Variants in CADPS2 observed in about 807,000 individuals in gnomAD.
CADPS2 encodes the protein calcium-dependent secretion activator 2.
In CADPS2, 93 loss-of-function variants were observed where a neutral mutation model predicts 172.5. That is an observed-to-expected ratio of 0.54 (90% confidence interval 0.46 to 0.64). The LOEUF (loss-of-function observed/expected upper bound fraction) is 0.64. Ranked by LOEUF, CADPS2 falls within the 30% of genes least tolerant of loss-of-function variation. The pLI, the probability that CADPS2 is intolerant of heterozygous loss-of-function variation, is 0.00. For synonymous variants in CADPS2, 546 were observed against 555.2 expected (o/e 0.98, Z 0.23); for missense variants, 1,420 against 1,565.9 (o/e 0.91, Z 1.57).
chr7:122,684,512 G>A (rs1017351012), intron 2 of CADPS2, among the ~76,000 whole-genome samples: 4 of 150,422 alleles, frequency 2.7e-5, no homozygotes, highest in South Asian at 4.2e-4. Flanking sequence ...GTTCTTTCAC[G>A]TATCAACCCA....
intron 27 of CADPS2, among the ~76,000 whole-genome samples, chr7:122,356,382 A>C (rs2039408014): frequency 1.3e-5 from 2 of 152,204 alleles, no homozygotes; most frequent in Admixed American, 6.5e-5. Context: ...TTTTCATCAC[A>C]TCCTGTCAAA....
intron 2 of CADPS2, 82 bp from the exon 3 acceptor site, chr7:122,663,651 C>T: frequency 1.0e-6 from 1 of 992,332 alleles, no homozygotes; most frequent in Non-Finnish European, 1.5e-6. Flanking sequence ...TTCAGCAATC[C>T]AGCCAGAGTT....
At chr7:122,599,128 G>A (rs999724735) in intron 6 of CADPS2, among the ~76,000 whole-genome samples, 2 of 152,124 alleles carry the variant, frequency 1.3e-5, no homozygotes, top group African/African-American at 4.8e-5. Context: ...GCTCCTAGTA[G>A]GGACAACATT....
At chr7:122,695,670 C>A (rs1030314081) in intron 2 of CADPS2, among the ~76,000 whole-genome samples, 1 of 152,138 alleles carries the variant, frequency 6.6e-6, no homozygotes, top group African/African-American at 2.4e-5. Flanking sequence ...AGATTCTAAC[C>A]ACCCTTTAAA....
intron 14 of CADPS2, among the ~76,000 whole-genome samples, chr7:122,464,074 AAAAC>A (rs544469593): frequency 2.6e-5 from 4 of 152,328 alleles, no homozygotes; most frequent in Non-Finnish European, 2.9e-5. Flanking sequence ...CATTCTCTAA[AAAAC>A]AAACAAACAA....
intron 1 of CADPS2, among the ~76,000 whole-genome samples, chr7:122,789,333 G>C (rs1794762856): frequency 6.6e-6 from 1 of 152,150 alleles, no homozygotes; most frequent in Non-Finnish European, 1.5e-5. Context: ...CCAGCACATT[G>C]CAAGGAAGGA....
chr7:122,696,314 C>T (rs2085077991), intron 2 of CADPS2, among the ~76,000 whole-genome samples: 1 of 152,144 alleles, frequency 6.6e-6, no homozygotes, highest in South Asian at 2.1e-4. Context: ...GCTAAATCCT[C>T]CAGTAGTCCA....
At chr7:122,846,030 T>A (rs1311038509) in intron 1 of CADPS2, among the ~76,000 whole-genome samples, 1 of 152,204 alleles carries the variant, frequency 6.6e-6, no homozygotes, top group African/African-American at 2.4e-5. Flanking sequence ...TAAGAAAATA[T>A]GATGAGTTCT....
chr7:122,528,662 G>A (rs2061488319), intron 8 of CADPS2, among the ~76,000 whole-genome samples: 1 of 152,000 alleles, frequency 6.6e-6, no homozygotes, highest in South Asian at 2.1e-4. Context: ...TTTATTTGCT[G>A]ACAAAACTAT....
chr7:122,766,799 G>A (rs527358030), intron 1 of CADPS2, among the ~76,000 whole-genome samples: 1 of 152,250 alleles, frequency 6.6e-6, no homozygotes, highest in East Asian at 1.9e-4. Context: ...AGGAGTGACA[G>A]GTAACTGTCA....
At chr7:122,330,799 GGGA>G (rs1400166968) in intron 28 of CADPS2, 1 of 152,268 alleles carries the variant, frequency 6.6e-6, no homozygotes, top group African/African-American at 2.4e-5. Context: ...CAACACACCA[GGGA>G]AGAACACAAA....
At chr7:122,868,575 T>C (rs1251913265) in intron 1 of CADPS2, among the ~76,000 whole-genome samples, 3 of 152,218 alleles carry the variant, frequency 2.0e-5, no homozygotes, top group South Asian at 2.1e-4. Flanking sequence ...GAATCCCTGA[T>C]TGGAAAGAAA....
At chr7:122,374,010 A>G (rs1585378279) in intron 25 of CADPS2, among the ~76,000 whole-genome samples, 1 of 152,262 alleles carries the variant, frequency 6.6e-6, no homozygotes, top group East Asian at 1.9e-4. Context: ...TCAACAAAAT[A>G]CTAGCAAACT....
chr7:122,567,562 A>C (rs772815397), intron 7 of CADPS2, among the ~76,000 whole-genome samples: 9 of 152,198 alleles, frequency 5.9e-5, no homozygotes, highest in Non-Finnish European at 1.0e-4. Flanking sequence ...TCTGAACCTA[A>C]AGATGACTAT....
In CADPS2 at chr7:122,581,282, G is replaced by GT; in HGVS notation, c.1231dup (p.Thr411AsnfsTer31). Reference sequence around the variant, plus strand: ...ATGGGTGGTGGTGAAATCTCCTTGAGTCCCCCATCTGTAATGAAGTAAAAA... The same window carrying GT: ...ATGGGTGGTGGTGAAATCTCCTTGAGTTCCCCCATCTGTAATGAAGTAAAAA... On this transcript the variant is annotated frameshift_variant, in exon 7 of 30. Coordinates refer to ENST00000449022, the MANE Select transcript of CADPS2 (RefSeq NM_017954.11). LOFTEE classifies it high-confidence loss of function. 4 of 1,612,124 alleles carry GT rather than the reference G, an allele frequency of 2.5e-6. No individual in the cohort carries two copies. The highest frequency in any genetic ancestry group is 1.1e-5 in the South Asian group (1 of 91,024).
In CADPS2 at chr7:122,497,271, T is replaced by C. The variant is rs569981407; in HGVS notation, c.1543-5851A>G. On this transcript the variant is annotated intron_variant, in intron 9 of 29. Coordinates refer to ENST00000449022, the MANE Select transcript of CADPS2 (RefSeq NM_017954.11). Reference sequence around the variant, plus strand: ...TTTTTAAAGCCCTGAAAATCTAGTCTTCTAACAAGATTTATTTTAAAGACA... The same window carrying C: ...TTTTTAAAGCCCTGAAAATCTAGTCCTCTAACAAGATTTATTTTAAAGACA... 2.0e-5 allele frequency among the ~76,000 whole-genome samples: 3 copies of C among 152,296 alleles called. No individual in the cohort carries two copies. The East Asian group carries it at 5.8e-4, about 29-fold the overall frequency.
At chr7:122,658,880 T>C (rs2080156886) in intron 3 of CADPS2, among the ~76,000 whole-genome samples, 1 of 151,602 alleles carries the variant, frequency 6.6e-6, no homozygotes, top group Non-Finnish European at 1.5e-5. Context: ...ACTTAAAGTA[T>C]AATAAAAAAA....
At chr7:122,362,966 G>A (rs2040377639) in intron 25 of CADPS2, among the ~76,000 whole-genome samples, 1 of 152,166 alleles carries the variant, frequency 6.6e-6, no homozygotes. Flanking sequence ...TGAACTATAA[G>A]TGCATTTTTA....
intron 2 of CADPS2, chr7:122,702,027 G>C (rs200113037): frequency 3.1e-6 from 5 of 1,613,572 alleles, no homozygotes; most frequent in East Asian, 4.5e-5. Context: ...TTGAGAACTC[G>C]CAGTTGAAGC....
Sources: gnomAD v4.1 joint callset for allele counts (sites outside exome capture counted in the v4.1 genomes callset) on GRCh38, gnomAD v4.1.1 for gene constraint, MANE v1.5 for transcripts, NCBI Gene and HGNC (gene_info 2026-07-23, HGNC 2026-07-21) for gene names.